Variants in CNBP observed in about 807,000 individuals in gnomAD.
CNBP encodes cellular nucleic acid-binding protein.
A neutral mutation model predicts 21.2 loss-of-function variants in CNBP; 6 were observed. That is an observed-to-expected ratio of 0.28 (90% CI 0.16 to 0.56). CNBP has a LOEUF of 0.56. Ranked by LOEUF, CNBP falls within the 20% of genes least tolerant of loss-of-function variation. The pLI is 0.93. For missense variants in CNBP, 112 were observed against 233.1 expected (o/e 0.48, Z 3.38); for synonymous variants, 61 against 74.9 (o/e 0.81, Z 0.96).
At chr3:129,172,509 G>T (rs1203677697) in intron 1 of CNBP, among the ~76,000 whole-genome samples, 1 of 152,252 alleles carries the variant, frequency 6.6e-6, no homozygotes, top group South Asian at 2.1e-4. Flanking sequence ...TTGAACCCGG[G>T]GGGTGGAGGT....
chr3:129,180,420 A>AAC (rs1017725223), intron 1 of CNBP, among the ~76,000 whole-genome samples: 24 of 152,222 alleles, frequency 1.6e-4, no homozygotes, highest in African/African-American at 5.5e-4. Context: ...TTCACTAGTT[A>AAC]ACACCTCATT....
At position 129,169,539 on chromosome 3, in the gene CNBP, TGA is replaced by T. The variant is rs1937532887; in HGVS notation, c.*912_*913del. The T allele has an allele frequency of 4.9e-6, 1 of 203,724 alleles. No individual in the cohort carries two copies. Among genetic ancestry groups the T allele is most frequent in the African/African-American group, 2.3e-5 (1 of 43,678 alleles). The allele number at this position is 203,724 out of a possible 1,614,324, so 12.6% of individuals were successfully genotyped here. On this transcript the variant is annotated 3_prime_UTR_variant, in exon 5 of 5. Coordinates refer to ENST00000422453, the MANE Select transcript of CNBP (RefSeq NM_003418.5). ...TGGTATTTTGCACTATATACATTAA[TGA>T]AAATTTGAAACAAACAAAAAGAACT...
chr3:129,172,378 T>C (rs1451592448), intron 1 of CNBP, among the ~76,000 whole-genome samples: 1 of 151,662 alleles, frequency 6.6e-6, no homozygotes, highest in African/African-American at 2.4e-5. Flanking sequence ...GGTCAGGAGT[T>C]TGAGACCAGT....
At chr3:129,176,427 A>C (rs762758866) in intron 1 of CNBP, among the ~76,000 whole-genome samples, 5 of 152,248 alleles carry the variant, frequency 3.3e-5, no homozygotes, top group African/African-American at 4.8e-5. Flanking sequence ...ATATTCCTTG[A>C]AGGTAGAGAC....
In CNBP at chr3:129,169,146, T is replaced by G. The variant is rs1040125394; in HGVS notation, c.*1307A>C. Among the ~76,000 whole-genome samples, 1 of 151,244 alleles carries G rather than the reference T, an allele frequency of 6.6e-6. No individual in the cohort carries two copies. Among genetic ancestry groups the G allele is most frequent in the Non-Finnish European group, 1.5e-5 (1 of 67,808 alleles). On this transcript the variant is annotated 3_prime_UTR_variant, in exon 5 of 5. Coordinates refer to ENST00000422453, the MANE Select transcript of CNBP (RefSeq NM_003418.5). Reference sequence around the variant, plus strand: ...AAATAAAAATAAAAATACAAAAAATTAGCGGGGGGTGGTGGCGGGTGCCTG... The same window carrying G: ...AAATAAAAATAAAAATACAAAAAATGAGCGGGGGGTGGTGGCGGGTGCCTG...
chr3:129,175,331 A>C (rs1937825594), intron 1 of CNBP, among the ~76,000 whole-genome samples: 1 of 152,126 alleles, frequency 6.6e-6, no homozygotes, highest in Non-Finnish European at 1.5e-5. Context: ...CTTCAAAGAA[A>C]GAAAGAAAGA....
At chr3:129,180,857 T>A (rs1381106828) in intron 1 of CNBP, among the ~76,000 whole-genome samples, 1 of 152,104 alleles carries the variant, frequency 6.6e-6, no homozygotes, top group Non-Finnish European at 1.5e-5. Context: ...TCATTCCAAT[T>A]AGTCCAATGG....
chr3:129,182,096 T>C (rs1938340344), intron 1 of CNBP, among the ~76,000 whole-genome samples: 1 of 152,114 alleles, frequency 6.6e-6, no homozygotes, highest in Non-Finnish European at 1.5e-5. Context: ...CCCTCAAAGC[T>C]CTACACTCCA....
chr3:129,168,790 GTC>G lies in CNBP; in HGVS notation c.*1661_*1662del, dbSNP rs1314062542. Among the ~76,000 whole-genome samples the G allele has an allele frequency of 1.3e-5, 2 of 151,788 alleles. No homozygotes were observed. Among genetic ancestry groups the G allele is most frequent in the Admixed American group, 6.6e-5 (1 of 15,246 alleles). ...AGCCCGACCAACATGATGAAACCCA[GTC>G]TCTACTAAAAATACAAAAAATAGGC... On this transcript the variant is annotated 3_prime_UTR_variant, in exon 5 of 5. Transcript: ENST00000422453.
intron 1 of CNBP, among the ~76,000 whole-genome samples, chr3:129,177,137 A>T (rs1457431852): frequency 6.6e-6 from 1 of 152,250 alleles, no homozygotes; most frequent in African/African-American, 2.4e-5. Context: ...GCTAACTTCA[A>T]TAAAAACCAA....
intron 2 of CNBP, 42 bp from the exon 3 acceptor site, chr3:129,171,580 T>G: frequency 6.2e-7 from 1 of 1,614,112 alleles, no homozygotes; most frequent in Non-Finnish European, 8.5e-7. Flanking sequence ...GTCAGACCAG[T>G]CTTGATACTA....
chr3:129,175,006 G>C (rs1384069645), intron 1 of CNBP, among the ~76,000 whole-genome samples: 1 of 152,034 alleles, frequency 6.6e-6, no homozygotes, highest in African/African-American at 2.4e-5. Flanking sequence ...ACATCAGCCT[G>C]ACCAACACAG....
chr3:129,178,821 C>T (rs554804380), intron 1 of CNBP, among the ~76,000 whole-genome samples: 38 of 151,920 alleles, frequency 2.5e-4, no homozygotes, highest in Non-Finnish European at 4.6e-4. Context: ...CGGCTCACTG[C>T]AAGCTCCACC....
rs571096092 is a variant in CNBP at position 129,171,807 on chromosome 3, G to A, written c.-14-36C>T. The A allele has an allele frequency of 3.8e-6, 6 of 1,573,628 alleles. No homozygotes were observed. In the African/African-American group the frequency reaches 8.2e-5, roughly 22 times the overall value. Reference sequence around the variant, plus strand: ...TTAAAAGTAACAGCATTAAACCACTGAAAGTTCTTTTAACTTTTATTCTCT... The same window carrying A: ...TTAAAAGTAACAGCATTAAACCACTAAAAGTTCTTTTAACTTTTATTCTCT... On this transcript the variant is annotated intron_variant, in intron 1 of 4. Transcript: ENST00000422453.
In CNBP at chr3:129,183,841, A is replaced by C. The variant is rs899778370; in HGVS notation, c.-80T>G. On this transcript the variant is annotated 5_prime_UTR_variant, in exon 1 of 5. Transcript: ENST00000422453. ...CGCAGGCCTGGGGAAGACGGCTCGC[A>C]AGGTAGAGGCTGTTTATTTTGAGGG... is the stretch of plus-strand genomic sequence containing the variant. The C allele has an allele frequency of 6.5e-6, 1 of 152,798 alleles. No homozygotes were observed. Among genetic ancestry groups the C allele is most frequent in the Non-Finnish European group, 1.5e-5 (1 of 68,176 alleles). The allele number at this position is 152,798 out of a possible 1,614,324, so 9.5% of individuals were successfully genotyped here. A position where few individuals can be genotyped will look rare whatever the true frequency, so the allele number is the denominator to read the frequency against.
At chr3:129,180,350 T>TC (rs1938211961) in intron 1 of CNBP, among the ~76,000 whole-genome samples, 1 of 152,224 alleles carries the variant, frequency 6.6e-6, no homozygotes, top group Non-Finnish European at 1.5e-5. Flanking sequence ...AAAAATATTT[T>TC]CTTTAACTTC....
chr3:129,174,836 CCAGA>C (rs1293629202), intron 1 of CNBP, among the ~76,000 whole-genome samples: 4 of 152,148 alleles, frequency 2.6e-5, no homozygotes, highest in East Asian at 1.9e-4. Context: ...ACAGTGTAAT[CCAGA>C]CAATTTGCAA....
chr3:129,171,288 A>G lies in CNBP; in HGVS notation c.218-11T>C. On this transcript the variant is annotated splice_polypyrimidine_tract_variant and intron_variant, in intron 3 of 4. Coordinates refer to ENST00000422453, the MANE Select transcript of CNBP (RefSeq NM_003418.5). ...CGCAGTTATAGCAGGCTTCAACAAT[A>G]AGGAAAAGAAACAGGCCAAGACTAT... The G allele has an allele frequency of 6.2e-7, 1 of 1,614,098 alleles. No individual in the cohort carries two copies. Among genetic ancestry groups the G allele is most frequent in the South Asian group, 1.1e-5 (1 of 91,078 alleles).
chr3:129,175,350 T>C (rs1937827326), intron 1 of CNBP, among the ~76,000 whole-genome samples: 1 of 151,212 alleles, frequency 6.6e-6, no homozygotes, highest in African/African-American at 2.4e-5. Flanking sequence ...GAAAAAAAAC[T>C]ATTCTGTAAA....
Sources: allele counts gnomAD v4.1 joint callset (sites outside exome capture counted in the v4.1 genomes callset), GRCh38; gene constraint gnomAD v4.1.1; transcripts MANE v1.5; gene names NCBI Gene and HGNC (gene_info 2026-07-23, HGNC 2026-07-21).